RFX7: variants seen among roughly 807,000 people sequenced by gnomAD.
RFX7 encodes the protein regulatory factor X7.
Under a neutral mutation model 111.8 loss-of-function variants are expected in RFX7, and 26 were observed. The observed-to-expected ratio is 0.23, with a 90% CI of 0.17 to 0.32. RFX7 has a LOEUF of 0.32. RFX7 is among the 10% of genes least tolerant of loss of function. The probability of loss-of-function intolerance (pLI) is 1.00; values close to 1 mark genes in which losing one functional copy is unlikely to be tolerated. For missense variants in RFX7, 1,573 were observed against 1,772.9 expected (o/e 0.89, Z 2.02); for synonymous variants, 624 against 624.4 (o/e 1.00, Z 0.01).
chr15:56,205,803 A>G (rs758671839), intron 2 of RFX7, among the ~76,000 whole-genome samples: 19 of 152,212 alleles, frequency 1.2e-4, no homozygotes, highest in African/African-American at 4.3e-4. Context: ...AAGTTATTAA[A>G]TGGAGGAAAG....
chr15:56,106,204 A>G (rs1461553174), intron 5 of RFX7, among the ~76,000 whole-genome samples: 2 of 152,220 alleles, frequency 1.3e-5, no homozygotes, highest in South Asian at 4.1e-4. Flanking sequence ...TTTGTTTTTC[A>G]ATACAATTTA....
At chr15:56,142,385 T>C (rs2042412551) in intron 5 of RFX7, among the ~76,000 whole-genome samples, 1 of 152,112 alleles carries the variant, frequency 6.6e-6, no homozygotes, top group Non-Finnish European at 1.5e-5. Flanking sequence ...CTTTAAAAAG[T>C]CCAAGTAAAA....
At chr15:56,154,316 A>G (rs754008278) in intron 3 of RFX7, among the ~76,000 whole-genome samples, 3 of 152,224 alleles carry the variant, frequency 2.0e-5, no homozygotes, top group Non-Finnish European at 2.9e-5. Flanking sequence ...AAGAGCCCGC[A>G]TAGCCAAGAC....
chr15:56,156,246 C>T (rs2042651025), intron 3 of RFX7, among the ~76,000 whole-genome samples: 1 of 152,070 alleles, frequency 6.6e-6, no homozygotes, highest in Admixed American at 6.5e-5. Flanking sequence ...AGATAAGACA[C>T]AGCCAAATGG....
chr15:56,099,587 G>C (rs1284365555), intron 8 of RFX7, among the ~76,000 whole-genome samples: 1 of 151,538 alleles, frequency 6.6e-6, no homozygotes, highest in African/African-American at 2.4e-5. Context: ...ACTTACAAAA[G>C]GACATTTGTA....
At chr15:56,107,449 C>T (rs761748843) in intron 5 of RFX7, among the ~76,000 whole-genome samples, 22 of 150,898 alleles carry the variant, frequency 1.5e-4, no homozygotes, top group Non-Finnish European at 1.0e-4. Context: ...ACAATTCAGT[C>T]TTTAATATTC....
At chr15:56,122,830 T>C (rs1224742159) in intron 5 of RFX7, among the ~76,000 whole-genome samples, 4 of 152,122 alleles carry the variant, frequency 2.6e-5, no homozygotes, top group African/African-American at 9.7e-5. Context: ...ACAGGGAGTA[T>C]TGCCAGGGTA....
chr15:56,195,637 A>G (rs1018161540), intron 2 of RFX7, among the ~76,000 whole-genome samples: 2 of 152,142 alleles, frequency 1.3e-5, no homozygotes, highest in Admixed American at 1.3e-4. Context: ...AGGTACTGAC[A>G]TTTAGGATGG....
Position 56,179,256 on chromosome 15 carries a change from GT to G in RFX7, c.195+13del. ...TTATTGCAAAAGGATTTTAATATTA[GT>G]TATTTCACTTACCAAAATGCAGTCC... On this transcript the variant is annotated intron_variant, in intron 3 of 9. Transcript: ENST00000559447. 8.1e-7 allele frequency: 1 copy of G among 1,229,860 alleles called. No homozygotes were observed. Among genetic ancestry groups the G allele is most frequent in the Non-Finnish European group, 1.1e-6 (1 of 924,286 alleles). 76.2% of individuals were successfully genotyped at this position (1,229,860 alleles called of 1,614,324 possible).
intron 2 of RFX7, among the ~76,000 whole-genome samples, chr15:56,227,633 G>C (rs1228021290): frequency 6.6e-6 from 1 of 152,068 alleles, no homozygotes; most frequent in Non-Finnish European, 1.5e-5. Flanking sequence ...AAGTACCTTA[G>C]AGTATTCTCA....
intron 5 of RFX7, among the ~76,000 whole-genome samples, chr15:56,137,113 A>G (rs1197047871): frequency 6.6e-6 from 1 of 152,134 alleles, no homozygotes; most frequent in African/African-American, 2.4e-5. Flanking sequence ...TTGGTATCAG[A>G]ATGATGCTGG....
intron 3 of RFX7, among the ~76,000 whole-genome samples, chr15:56,170,489 A>G (rs2042834205): frequency 6.6e-6 from 1 of 152,150 alleles, no homozygotes; most frequent in African/African-American, 2.4e-5. Flanking sequence ...GCCTCTTCCC[A>G]TCTGATACCA....
chr15:56,239,430 G>A (rs1396021444), intron 2 of RFX7, among the ~76,000 whole-genome samples: 16 of 151,664 alleles, frequency 1.1e-4, no homozygotes, highest in African/African-American at 3.6e-4. Context: ...CACCACCCTC[G>A]GCTAATTTTT....
intron 5 of RFX7, among the ~76,000 whole-genome samples, chr15:56,134,076 A>C (rs1410114463): frequency 2.0e-5 from 3 of 152,158 alleles, no homozygotes; most frequent in Admixed American, 2.0e-4. Context: ...AATGTTTTCT[A>C]CCCACTCAGT....
At chr15:56,115,979 T>C (rs1247068148) in intron 5 of RFX7, among the ~76,000 whole-genome samples, 10 of 151,822 alleles carry the variant, frequency 6.6e-5, no homozygotes, top group Non-Finnish European at 1.2e-4. Context: ...ATATAAAATG[T>C]CCAGATTTAT....
At chr15:56,112,218 G>C (rs1300608473) in intron 5 of RFX7, among the ~76,000 whole-genome samples, 2 of 151,502 alleles carry the variant, frequency 1.3e-5, no homozygotes, top group Non-Finnish European at 2.9e-5. Flanking sequence ...TAAGATGGTA[G>C]AGCTCTCTTC....
At chr15:56,216,446 C>G (rs2043363705) in intron 2 of RFX7, among the ~76,000 whole-genome samples, 3 of 152,088 alleles carry the variant, frequency 2.0e-5, no homozygotes, top group African/African-American at 7.2e-5. Flanking sequence ...TTATTTTCAC[C>G]TCTGCTGCAT....
chr15:56,113,623 C>G (rs1246096259), intron 5 of RFX7, among the ~76,000 whole-genome samples: 1 of 151,172 alleles, frequency 6.6e-6, no homozygotes, highest in Non-Finnish European at 1.5e-5. Flanking sequence ...ATGTAACAAA[C>G]CTGCACATTC....
chr15:56,141,440 GAA>G (rs2141021679), intron 5 of RFX7, among the ~76,000 whole-genome samples: 1 of 151,776 alleles, frequency 6.6e-6, no homozygotes. Flanking sequence ...TTTTATAGAT[GAA>G]CCAACTGACA....
Sources: allele counts gnomAD v4.1 joint callset (sites outside exome capture counted in the v4.1 genomes callset), GRCh38; gene constraint gnomAD v4.1.1; transcripts MANE v1.5; gene names NCBI Gene and HGNC (gene_info 2026-07-23, HGNC 2026-07-21).